TARS3: variants seen among roughly 807,000 people sequenced by gnomAD.
The protein encoded by TARS3 is threonyl-tRNA synthetase 3.
TARS3 carries 94 observed loss-of-function variants against 103.5 expected under a neutral mutation model. That is an observed-to-expected ratio of 0.91 (90% CI 0.77 to 1.08). The LOEUF (loss-of-function observed/expected upper bound fraction) is 1.08. Among genes scored for constraint, TARS3 ranks in the 50% least tolerant of loss-of-function variants. TARS3 has a pLI of 0.00. For synonymous variants in TARS3, 416 were observed against 355.4 expected (o/e 1.17, Z -1.92); for missense variants, 952 against 995.2 (o/e 0.96, Z 0.58).
intron 1 of TARS3, 22 bp from the exon 2 acceptor site, chr15:101,723,186 A>G (rs776744581): frequency 1.9e-6 from 3 of 1,603,284 alleles, no homozygotes; most frequent in African/African-American, 2.7e-5. Flanking sequence ...ATTATAAATG[A>G]CTCACATCAA....
At chr15:101,655,246 AAAT>A (rs1174341251) in intron 18 of TARS3, among the ~76,000 whole-genome samples, 54 of 142,454 alleles carry the variant, frequency 3.8e-4, no homozygotes, top group Admixed American at 5.5e-4. Context: ...ACTAGGGTGC[AAAT>A]GAGAGGGGGG....
chr15:101,654,610 C>T lies in TARS3; in HGVS notation c.2381G>A (p.Arg794Gln), dbSNP rs192948739. The stretch of plus-strand genomic sequence containing the variant: ...AAAGGCCTCCTCAGCATTGAGTGTC[C>T]GTGTCTTCCTGAGATTCTTCAGTTT... ...IDKLKNLRKTRTLNAEEAF is the reference protein window; with the variant it reads ...IDKLKNLRKTQTLNAEEAF The change falls in exon 19 of 19, where the codon CGG becomes CAG. Residue 794 changes from arginine (R) to glutamine (Q), a missense_variant. Physicochemically the swap from Arg to Gln is conservative, Grantham distance 43. Around this residue, in one of 2 missense-constraint regions of TARS3, gnomAD observed 540 missense variants for 631.0 expected, o/e 0.86. Transcript: ENST00000335968. 9.3e-6 allele frequency: 15 copies of T among 1,613,990 alleles called. No homozygotes were observed. The highest frequency in any genetic ancestry group is 4.2e-6 in the Non-Finnish European group (5 of 1,179,986).
At chr15:101,703,396 C>A (rs1026085925) in intron 8 of TARS3, among the ~76,000 whole-genome samples, 1 of 152,100 alleles carries the variant, frequency 6.6e-6, no homozygotes, top group South Asian at 2.1e-4. Flanking sequence ...TCGAGACCAG[C>A]CTGACCAATG....
At position 101,654,600 on chromosome 15, in the gene TARS3, A is replaced by T. The variant is rs116790114; in HGVS notation, c.2391T>A (p.Asn797Lys). The change falls in exon 19 of 19, where the codon AAT becomes AAA. Residue 797 changes from asparagine (N) to lysine (K), a missense_variant. By Grantham distance (94) the Asn-to-Lys change is moderately conservative. Around this residue, in one of 2 missense-constraint regions of TARS3, gnomAD observed 540 missense variants for 631.0 expected, o/e 0.86. Transcript: ENST00000335968. ...AAGGACTTCAAAAGGCCTCCTCAGC[A>T]TTGAGTGTCCGTGTCTTCCTGAGAT... ...LKNLRKTRTL[N>K]AEEAF 6 of 1,613,950 alleles carry T rather than the reference A, an allele frequency of 3.7e-6. No individual in the cohort carries two copies. The highest frequency in any genetic ancestry group is 5.1e-6 in the Non-Finnish European group (6 of 1,179,982).
intron 5 of TARS3, 93 bp from the exon 6 acceptor site, chr15:101,709,003 A>T (rs1899721597): frequency 1.3e-6 from 1 of 791,662 alleles, no homozygotes; most frequent in Admixed American, 2.5e-5. Flanking sequence ...CATAAATTTG[A>T]ATCTGCTGTC....
chr15:101,721,040 T>C (rs765491607), intron 3 of TARS3, 86 bp downstream of exon 3: 3 of 1,110,100 alleles, frequency 2.7e-6, no homozygotes, highest in East Asian at 2.4e-5. Flanking sequence ...AATGGAGTAA[T>C]ATATTAGCGG....
chr15:101,669,797 C>G (rs1246912630), intron 15 of TARS3, among the ~76,000 whole-genome samples: 1 of 152,214 alleles, frequency 6.6e-6, no homozygotes, highest in Non-Finnish European at 1.5e-5. Context: ...CGTAAGCACA[C>G]TCGGTGATGT....
chr15:101,689,317 A>G (rs1898608079), intron 10 of TARS3, among the ~76,000 whole-genome samples: 1 of 152,168 alleles, frequency 6.6e-6, no homozygotes, highest in Admixed American at 6.5e-5. Context: ...GCATTACTAA[A>G]ACCTTGGATC....
intron 6 of TARS3, among the ~76,000 whole-genome samples, chr15:101,707,180 A>C (rs1899611006): frequency 6.6e-6 from 1 of 152,192 alleles, no homozygotes; most frequent in Non-Finnish European, 1.5e-5. Flanking sequence ...TAAAAAAAAA[A>C]CAAAACAAGT....
chr15:101,723,013 G>A, intron 2 of TARS3, 80 bp downstream of exon 2: 3 of 1,299,616 alleles, frequency 2.3e-6, no homozygotes, highest in Non-Finnish European at 3.3e-6. Context: ...ATTTTTATTG[G>A]AAATCCTAGG....
chr15:101,707,523 T>C (rs1340386700), intron 6 of TARS3, among the ~76,000 whole-genome samples: 3 of 152,198 alleles, frequency 2.0e-5, no homozygotes, highest in African/African-American at 4.8e-5. Flanking sequence ...AGGAAGGACA[T>C]TCTGACACAC....
chr15:101,675,774 T>A (rs749860151), intron 12 of TARS3, 37 bp from the exon 13 acceptor site: 48 of 1,578,144 alleles, frequency 3.0e-5, no homozygotes, highest in Non-Finnish European at 4.0e-5. Flanking sequence ...AAATAGAACA[T>A]CAAATTCATT....
In TARS3 at chr15:101,693,971, C is replaced by T. The variant is rs538980399; in HGVS notation, c.1320+7115G>A. ...TATCTTGATTGCTGAGGTGATAACA[C>T]AGTTCTGCATGTTATCAAAAAGGCG... On this transcript the variant is annotated intron_variant, in intron 10 of 18. Coordinates refer to ENST00000335968, the MANE Select transcript of TARS3 (RefSeq NM_152334.3). Among the ~76,000 whole-genome samples, 251 of 151,840 alleles carry T rather than the reference C, an allele frequency of 1.7e-3. 1 individual carries two copies. The highest frequency in any genetic ancestry group is 3.2e-3 in the Non-Finnish European group (217 of 67,974).
intron 13 of TARS3, among the ~76,000 whole-genome samples, chr15:101,672,033 C>T (rs1897827682): frequency 6.6e-6 from 1 of 151,980 alleles, no homozygotes; most frequent in South Asian, 2.1e-4. Context: ...CGCTTTTGAC[C>T]CTCCTCCCAA....
At chr15:101,706,376 A>C (rs1899562142) in intron 6 of TARS3, among the ~76,000 whole-genome samples, 1 of 152,198 alleles carries the variant, frequency 6.6e-6, no homozygotes, top group Non-Finnish European at 1.5e-5. Context: ...GAAGAAGAAA[A>C]TCATTCGTTA....
At chr15:101,684,502 A>C (rs1898385745) in intron 11 of TARS3, among the ~76,000 whole-genome samples, 1 of 152,186 alleles carries the variant, frequency 6.6e-6, no homozygotes, top group East Asian at 1.9e-4. Context: ...ATCACCATTT[A>C]CTGTTTATGA....
rs1331373225 is a variant in TARS3 at position 101,671,743 on chromosome 15, C to A, written c.1794G>T (p.Leu598=). Residue 598 remains leucine, a synonymous_variant, in exon 14 of 19, where the codon CTG becomes CTT. Coordinates refer to ENST00000335968, the MANE Select transcript of TARS3 (RefSeq NM_152334.3). The part of the protein sequence containing the change: ...IEMWNEAEKQ[L]QNSLMDFGEP... ...CTCCAAAGTCCATCAAGCTGTTCTG[C>A]AGTTGCTTTTTCAAAAGAAGAAAAA... The A allele has an allele frequency of 6.2e-7, 1 of 1,612,620 alleles. No homozygotes were observed.
intron 13 of TARS3, 147 bp downstream of exon 13, chr15:101,675,453 C>G (rs971081394): frequency 1.9e-5 from 13 of 691,540 alleles, no homozygotes; most frequent in Non-Finnish European, 1.4e-5. Context: ...ATGGGATAAC[C>G]ACATTCTACA....
chr15:101,686,019 T>C lies in TARS3; in HGVS notation c.1364A>G (p.Asn455Ser), dbSNP rs760841602. 3.7e-6 allele frequency: 6 copies of C among 1,613,482 alleles called. No homozygotes were observed. In the East Asian group the frequency reaches 8.9e-5, roughly 24 times the overall value. The change falls in exon 11 of 19, where the codon AAT becomes AGT. Residue 455 changes from asparagine to serine, a missense_variant. By Grantham distance (46) the Asn-to-Ser change is conservative (BLOSUM62 1). Around this residue, in one of 2 missense-constraint regions of TARS3, gnomAD observed 540 missense variants for 631.0 expected, o/e 0.86. Transcript: ENST00000335968. ...TTCCCAGAGTTTACTGTTGTACATA[T>C]TGGGAGAGAGCACCTCCGTGAAGTC... is the stretch of plus-strand genomic sequence containing the variant. ...KRDFTEVLSP[N>S]MYNSKLWEAS...
Sources: allele counts gnomAD v4.1 joint callset (sites outside exome capture counted in the v4.1 genomes callset), GRCh38; gene constraint gnomAD v4.1.1; regional missense constraint gnomAD v4.1.1; transcripts MANE v1.5; gene names NCBI Gene and HGNC (gene_info 2026-07-23, HGNC 2026-07-21).